The following GSPT1 variants were observed in gnomAD, a reference collection of about 807,000 sequenced individuals.
The protein encoded by GSPT1 is eukaryotic peptide chain release factor GTP-binding subunit ERF3A.
Under a neutral mutation model 72.5 loss-of-function variants are expected in GSPT1, and 20 were observed. The observed-to-expected ratio is 0.28, with a 90% CI of 0.19 to 0.40. The LOEUF (loss-of-function observed/expected upper bound fraction) is 0.40, where lower values mean the gene tolerates loss of function less well. Ranked by LOEUF, GSPT1 falls within the 10% of genes least tolerant of loss-of-function variation. The pLI is 1.00. For missense variants in GSPT1, 580 were observed against 811.9 expected (o/e 0.71, Z 3.47); for synonymous variants, 334 against 293.5 (o/e 1.14, Z -1.41).
intron 5 of GSPT1, among the ~76,000 whole-genome samples, chr16:11,894,711 C>T (rs1407683429): frequency 1.3e-5 from 2 of 152,172 alleles, no homozygotes; most frequent in Admixed American, 1.3e-4. Flanking sequence ...TTTCAAACTC[C>T]AGACCTCAAG....
chr16:11,907,174 G>A (rs2054500253), intron 1 of GSPT1, among the ~76,000 whole-genome samples: 1 of 152,148 alleles, frequency 6.6e-6, no homozygotes, highest in Admixed American at 6.5e-5. Flanking sequence ...ATGTCATTCT[G>A]CTACTACTGA....
intron 1 of GSPT1, among the ~76,000 whole-genome samples, chr16:11,910,430 A>G (rs2054543529): frequency 6.6e-6 from 1 of 152,206 alleles, no homozygotes; most frequent in Non-Finnish European, 1.5e-5. Context: ...TGTTATTTCA[A>G]GTGCCTAGCA....
chr16:11,909,496 A>G (rs981497107), intron 1 of GSPT1, among the ~76,000 whole-genome samples: 1 of 152,208 alleles, frequency 6.6e-6, no homozygotes, highest in Non-Finnish European at 1.5e-5. Context: ...TAGAATGATG[A>G]AATTCTAAAC....
At chr16:11,913,147 G>A (rs1377991455) in intron 1 of GSPT1, among the ~76,000 whole-genome samples, 3 of 152,126 alleles carry the variant, frequency 2.0e-5, no homozygotes, top group Non-Finnish European at 4.4e-5. Context: ...TTATCCCCCT[G>A]CTTTTTATAA....
At chr16:11,913,562 A>G (rs1226102950) in intron 1 of GSPT1, among the ~76,000 whole-genome samples, 1 of 152,200 alleles carries the variant, frequency 6.6e-6, no homozygotes, top group Admixed American at 6.5e-5. Flanking sequence ...ATTCTAGACC[A>G]AGGTTGGTTA....
intron 1 of GSPT1, among the ~76,000 whole-genome samples, chr16:11,912,395 G>A (rs1417543532): frequency 6.6e-6 from 1 of 151,106 alleles, no homozygotes; most frequent in Non-Finnish European, 1.5e-5. Context: ...AATAAATAAG[G>A]CATTCAGCAA....
chr16:11,916,317 T>G (rs1446137522), upstream of GSPT1, among the ~76,000 whole-genome samples: 1 of 152,212 alleles, frequency 6.6e-6, no homozygotes, highest in African/African-American at 2.4e-5. Context: ...AGCTCTGTGC[T>G]GGGCCGAAGA....
chr16:11,885,501 A>G (rs1221380408), intron 9 of GSPT1, among the ~76,000 whole-genome samples: 2 of 152,256 alleles, frequency 1.3e-5, no homozygotes, highest in African/African-American at 4.8e-5. Flanking sequence ...GAAATATTTT[A>G]TAGCAAATAG....
chr16:11,887,269 T>TG (rs1473885997), intron 7 of GSPT1, among the ~76,000 whole-genome samples: 1 of 152,212 alleles, frequency 6.6e-6, no homozygotes, highest in East Asian at 1.9e-4. Flanking sequence ...ATGAAACAGA[T>TG]GGTTTCCTAT....
rs1160350626 is a variant in GSPT1, at chr16:11,915,685, G to GCCA, written c.35_36insTGG (p.Gly16dup). The GCCA allele has an allele frequency of 7.0e-7, 1 of 1,420,054 alleles. No homozygotes were observed. 88.0% of individuals were successfully genotyped at this position (1,420,054 alleles called of 1,614,324 possible). On this transcript the variant is annotated inframe_insertion, in exon 1 of 15. Transcript: ENST00000434724. Reference sequence around the variant, plus strand: ...TGCCGCTGCTGCTCCCGCCGCCGCCGCCGCCGCCGCCGCCGCCGCCACTGC... The same window carrying GCCA: ...TGCCGCTGCTGCTCCCGCCGCCGCCGCCACCGCCGCCGCCGCCGCCGCCACTGC...
chr16:11,890,054 G>A lies in GSPT1; in HGVS notation c.776+1008C>T, dbSNP rs561855024. On this transcript the variant is annotated intron_variant, in intron 6 of 14. Transcript: ENST00000434724. ...CGGCTCACTGCAACCTCCGCCTCCC[G>A]GGTTCACGCCATTCTCCTGCCTCAG... 1.6e-4 allele frequency among the ~76,000 whole-genome samples: 24 copies of A among 150,440 alleles called. No homozygotes were observed. The South Asian group carries it at 4.9e-3, about 30-fold the overall frequency.
intron 11 of GSPT1, among the ~76,000 whole-genome samples, chr16:11,879,629 A>G (rs560490447): frequency 1.3e-5 from 2 of 150,206 alleles, no homozygotes; most frequent in African/African-American, 4.9e-5. Flanking sequence ...GCTACTTGGG[A>G]GGCTGAGGCA....
intron 1 of GSPT1, among the ~76,000 whole-genome samples, chr16:11,912,012 A>T (rs1395404293): frequency 1.3e-5 from 2 of 148,418 alleles, no homozygotes; most frequent in Non-Finnish European, 3.0e-5. Context: ...GAAAAGGGTG[A>T]ATTTTACAGT....
At chr16:11,892,096 C>T (rs146672810) in intron 5 of GSPT1, among the ~76,000 whole-genome samples, 16 of 151,922 alleles carry the variant, frequency 1.1e-4, no homozygotes, top group Middle Eastern at 3.4e-3. Flanking sequence ...GTAATCCCAG[C>T]ACTTTGGGAG....
rs757010101 is a variant in GSPT1, at chr16:11,886,824, C to A, written c.1065G>T (p.Val355=). 3.1e-6 allele frequency: 5 copies of A among 1,613,356 alleles called. No homozygotes were observed. The highest frequency in any genetic ancestry group is 4.2e-6 in the Non-Finnish European group (5 of 1,179,474). Residue 355 remains valine, a synonymous_variant, in exon 8 of 15, where the codon GTG becomes GTT. Coordinates refer to ENST00000434724, the MANE Select transcript of GSPT1 (RefSeq NM_002094.4). ...TTGGATCATCCATCTTATTAATTAG[C>A]ACAATTAGGTGTTTTACACCTGCTG... The part of the protein sequence containing the change: ...AKTAGVKHLI[V]LINKMDDPTV...
intron 9 of GSPT1, 105 bp from the exon 10 acceptor site, chr16:11,885,379 G>A: frequency 1.5e-6 from 1 of 654,228 alleles, no homozygotes; most frequent in Non-Finnish European, 2.8e-6. Context: ...TTCTACTCAT[G>A]TATTCTTCCC....
chr16:11,915,647 T>TCGCTGCTGCTGCTGC lies in GSPT1; in HGVS notation c.59_73dup (p.Gly20_Ser24dup). On this transcript the variant is annotated inframe_insertion, in exon 1 of 15. Coordinates refer to ENST00000434724, the MANE Select transcript of GSPT1 (RefSeq NM_002094.4). The stretch of plus-strand genomic sequence containing the variant: ...CTGGTCCCAGCAGTCAGGCGCCGAG[T>TCGCTGCTGCTGCTGC]CGCTGCTGCTGCTGCCGCTGCTGCT... 4 of 1,481,972 alleles carry TCGCTGCTGCTGCTGC rather than the reference T, an allele frequency of 2.7e-6. No homozygotes were observed. The highest frequency in any genetic ancestry group is 2.7e-6 in the Non-Finnish European group (3 of 1,121,470). 91.8% of individuals were successfully genotyped at this position (1,481,972 alleles called of 1,614,324 possible). A position where few individuals can be genotyped will look rare whatever the true frequency, so the allele number is the denominator to read the frequency against.
At chr16:11,899,776 A>G (rs1338158600) in intron 1 of GSPT1, among the ~76,000 whole-genome samples, 2 of 152,164 alleles carry the variant, frequency 1.3e-5, no homozygotes, top group African/African-American at 4.8e-5. Context: ...CACCCTAAGA[A>G]GGAGGTGACT....
chr16:11,886,020 A>G lies in GSPT1; in HGVS notation c.1253+451T>C, dbSNP rs1183362692. On this transcript the variant is annotated intron_variant, in intron 9 of 14. Transcript: ENST00000434724. ...ATAGTCTTTTCAACAAATTGTGTGT[A>G]AACAATTAATATACAAAAACAAAAC... is the stretch of plus-strand genomic sequence containing the variant. Among the ~76,000 whole-genome samples the G allele has an allele frequency of 2.6e-5, 4 of 152,264 alleles. No homozygotes were observed. The East Asian group carries it at 7.7e-4, about 29-fold the overall frequency.
Sources: allele counts gnomAD v4.1 joint callset (sites outside exome capture counted in the v4.1 genomes callset), GRCh38; gene constraint gnomAD v4.1.1; transcripts MANE v1.5; gene names NCBI Gene and HGNC (gene_info 2026-07-23, HGNC 2026-07-21).